Variants in RNF150 observed in about 807,000 individuals in gnomAD.
The protein encoded by RNF150 is ring finger protein 150.
In RNF150, 24 loss-of-function variants were observed where a neutral mutation model predicts 39.3. The observed-to-expected ratio is 0.61, with a 90% CI of 0.44 to 0.86. RNF150 has a LOEUF of 0.86. Ranked by LOEUF, RNF150 falls within the 40% of genes least tolerant of loss-of-function variation. The probability of loss-of-function intolerance (pLI) is 0.00; values close to 1 mark genes in which losing one functional copy is unlikely to be tolerated. For synonymous variants in RNF150, 255 were observed against 227.3 expected, an observed-to-expected ratio of 1.12 and a Z score of -1.10; for missense variants, 502 against 587.8, an observed-to-expected ratio of 0.85 and a Z score of 1.51.
intron 1 of RNF150, among the ~76,000 whole-genome samples, chr4:141,037,974 T>C (rs956457220): frequency 2.0e-5 from 3 of 152,220 alleles, no homozygotes; most frequent in African/African-American, 7.2e-5. Flanking sequence ...ATATATATGA[T>C]TGTTTATTCA....
At chr4:140,869,941 T>C (rs1275011957) in intron 6 of RNF150, among the ~76,000 whole-genome samples, 4 of 152,070 alleles carry the variant, frequency 2.6e-5, no homozygotes, top group African/African-American at 9.7e-5. Flanking sequence ...GCAGAAGAAA[T>C]ATGCAATTAA....
chr4:141,077,396 T>C (rs1416162367), intron 1 of RNF150, among the ~76,000 whole-genome samples: 3 of 152,198 alleles, frequency 2.0e-5, no homozygotes, highest in African/African-American at 4.8e-5. Flanking sequence ...AAAGGCTACA[T>C]ATGTGACTGC....
chr4:141,093,612 T>A (rs1198194780), intron 1 of RNF150, among the ~76,000 whole-genome samples: 1 of 152,008 alleles, frequency 6.6e-6, no homozygotes, highest in African/African-American at 2.4e-5. Flanking sequence ...AACACCTCAC[T>A]CCCCAGATCA....
At position 140,887,610 on chromosome 4, in the gene RNF150, G is replaced by A. The variant is rs142800866; in HGVS notation, c.1199-19231C>T. ...TAAAAAGTTCATTCACCATGTGACA[G>A]CCTTATCCCTACTGCTTGTACAAGT... On this transcript the variant is annotated intron_variant, in intron 6 of 6. Transcript: ENST00000515673. Among the ~76,000 whole-genome samples the A allele has an allele frequency of 4.5e-3, 691 of 152,244 alleles. 6 individuals are homozygous for A. Among genetic ancestry groups the A allele is most frequent in the Admixed American group, 9.8e-3 (150 of 15,280 alleles).
chr4:141,051,044 A>G (rs1290667867), intron 1 of RNF150, among the ~76,000 whole-genome samples: 1 of 152,014 alleles, frequency 6.6e-6, no homozygotes, highest in Non-Finnish European at 1.5e-5. Flanking sequence ...CCAAATCCCA[A>G]TTCTTGACTT....
rs115892465 is a variant in RNF150 at position 140,997,229 on chromosome 4, C to T, written c.485-29356G>A. On this transcript the variant is annotated intron_variant, in intron 1 of 6. Transcript: ENST00000515673. ...ATGTGAGAAAACTATAATTTATAAT[C>T]TAGAAATAATAATCTAAGATGCCAT... 2.0e-3 allele frequency among the ~76,000 whole-genome samples: 308 copies of T among 152,228 alleles called. 1 individual carries two copies. The highest frequency in any genetic ancestry group is 7.1e-3 in the African/African-American group (293 of 41,526).
intron 6 of RNF150, among the ~76,000 whole-genome samples, chr4:140,874,357 A>G (rs1029038111): frequency 6.6e-6 from 1 of 152,098 alleles, no homozygotes; most frequent in Non-Finnish European, 1.5e-5. Context: ...GCCTTTATCA[A>G]TTTCCTGGCT....
intron 6 of RNF150, among the ~76,000 whole-genome samples, chr4:140,879,178 G>T (rs1378428667): frequency 2.0e-5 from 3 of 152,072 alleles, no homozygotes; most frequent in Non-Finnish European, 2.9e-5. Flanking sequence ...GAAGTGTGAG[G>T]CCTTCAATTT....
chr4:140,899,842 T>C (rs1730110110), intron 6 of RNF150, among the ~76,000 whole-genome samples: 1 of 151,486 alleles, frequency 6.6e-6, no homozygotes, highest in South Asian at 2.1e-4. Flanking sequence ...TTCCCCAAAG[T>C]GGGGGAAAAA....
At chr4:141,135,241 G>C (rs534617293), upstream of RNF150, among the ~76,000 whole-genome samples, 4 of 152,354 alleles carry the variant, frequency 2.6e-5, no homozygotes, top group African/African-American at 9.6e-5. Context: ...ATATATTTAT[G>C]TGTGTGCACA....
rs896311870 is a variant in RNF150 at position 141,066,387 on chromosome 4, T to C, written c.484+65938A>G. 3.9e-5 allele frequency among the ~76,000 whole-genome samples: 6 copies of C among 152,178 alleles called. No homozygotes were observed. The South Asian group carries it at 6.2e-4, about 16-fold the overall frequency. On this transcript the variant is annotated intron_variant, in intron 1 of 6. Coordinates refer to ENST00000515673, the MANE Select transcript of RNF150 (RefSeq NM_020724.2). ...ACAGGGATGGTGTCAAAAGAGATCATTGTACTGTGAACAAATAAGCAAACA... is the reference window on the plus strand; with the variant it reads ...ACAGGGATGGTGTCAAAAGAGATCACTGTACTGTGAACAAATAAGCAAACA...
At chr4:141,111,806 G>A (rs1303934737) in intron 1 of RNF150, among the ~76,000 whole-genome samples, 1 of 152,122 alleles carries the variant, frequency 6.6e-6, no homozygotes, top group Non-Finnish European at 1.5e-5. Flanking sequence ...TTACATACCT[G>A]TATATGGACA....
chr4:141,057,633 A>G (rs1737036730), intron 1 of RNF150, among the ~76,000 whole-genome samples: 1 of 152,100 alleles, frequency 6.6e-6, no homozygotes, highest in Admixed American at 6.6e-5. Context: ...TATGAGTGAG[A>G]AATACATACC....
chr4:140,876,066 G>A (rs1729143430), intron 6 of RNF150, among the ~76,000 whole-genome samples: 1 of 152,162 alleles, frequency 6.6e-6, no homozygotes, highest in African/African-American at 2.4e-5. Context: ...GAGGTCTGGT[G>A]TTTGCATGCT....
At chr4:141,159,320 T>C (rs1318053173) in intron 1 of RNF150, among the ~76,000 whole-genome samples, 2 of 152,170 alleles carry the variant, frequency 1.3e-5, no homozygotes, top group East Asian at 3.9e-4. Context: ...CAAAACTTAG[T>C]TTGTAGACAC....
At chr4:141,138,148 T>C (rs1727055487), upstream of RNF150, among the ~76,000 whole-genome samples, 1 of 152,332 alleles carries the variant, frequency 6.6e-6, no homozygotes, top group Non-Finnish European at 1.5e-5. Flanking sequence ...AATTCTACCT[T>C]AGACTTCTAA....
chr4:140,993,784 CT>C (rs1468009167), intron 1 of RNF150, among the ~76,000 whole-genome samples: 1 of 152,150 alleles, frequency 6.6e-6, no homozygotes, highest in African/African-American at 2.4e-5. Flanking sequence ...CTCACTCTAC[CT>C]TCATCTTCCC....
chr4:141,100,367 G>A (rs575328873), intron 1 of RNF150, among the ~76,000 whole-genome samples: 1 of 152,224 alleles, frequency 6.6e-6, no homozygotes, highest in Non-Finnish European at 1.5e-5. Context: ...TGAAATTCTG[G>A]AATGGATTCC....
intron 1 of RNF150, among the ~76,000 whole-genome samples, chr4:140,970,381 C>G (rs1237984215): frequency 6.6e-6 from 1 of 152,124 alleles, no homozygotes; most frequent in East Asian, 1.9e-4. Context: ...GTTGACCTAT[C>G]TTTTGCTGAA....
Sources: allele counts gnomAD v4.1 joint callset (sites outside exome capture counted in the v4.1 genomes callset), GRCh38; gene constraint gnomAD v4.1.1; transcripts MANE v1.5; gene names NCBI Gene and HGNC (gene_info 2026-07-23, HGNC 2026-07-21).